DYTN: variants seen among roughly 807,000 people sequenced by gnomAD.
DYTN encodes dystrotelin.
In DYTN, 75 loss-of-function variants were observed where a neutral mutation model predicts 69.6. The observed-to-expected ratio is 1.08, with a 90% CI of 0.89 to 1.31. The LOEUF (loss-of-function observed/expected upper bound fraction) is 1.31, where lower values mean the gene tolerates loss of function less well. Among genes scored for constraint, DYTN ranks in the 50% most tolerant of loss-of-function variants. DYTN has a pLI of 0.00. For missense variants in DYTN, 726 were observed against 688.4 expected (o/e 1.05, Z -0.61); for synonymous variants, 252 against 249.1 (o/e 1.01, Z -0.11).
chr2:206,705,095 T>TC lies in DYTN; in HGVS notation c.383-153dup, dbSNP rs1700012671. 3 of 644,652 alleles carry TC rather than the reference T, an allele frequency of 4.7e-6. No homozygotes were observed. In the South Asian group the frequency reaches 6.0e-5, roughly 13 times the overall value. 39.9% of individuals were successfully genotyped at this position (644,652 alleles called of 1,614,324 possible). On this transcript the variant is annotated intron_variant, in intron 4 of 11. Transcript: ENST00000452335. ...TTATTGGCTAGCTATTATGAAGGCC[T>TC]CCAAAACTATTTTGTTTTTAAATGA...
Position 206,687,247 on chromosome 2 carries a change from C to A in DYTN, c.980+5928G>T. ...GGGGGATTGCAATTCCTTCCATTGT[C>A]AAAGACACTACTTGATGTGGGACTG... On this transcript the variant is annotated intron_variant, in intron 9 of 11. Coordinates refer to ENST00000452335, the MANE Select transcript of DYTN (RefSeq NM_001093730.1). The A allele has an allele frequency of 3.2e-5, 5 of 156,378 alleles. No homozygotes were observed. The South Asian group carries it at 9.0e-4, about 28-fold the overall frequency. 9.7% of individuals were successfully genotyped at this position (156,378 alleles called of 1,614,324 possible).
At chr2:206,667,697 C>T (rs150689331) in intron 9 of DYTN, among the ~76,000 whole-genome samples, 69 of 144,120 alleles carry the variant, frequency 4.8e-4, no homozygotes, top group African/African-American at 1.2e-3. Context: ...TTTGCGTGTG[C>T]GTGTGTGTGT....
At chr2:206,683,347 T>C (rs929509907) in intron 9 of DYTN, among the ~76,000 whole-genome samples, 2 of 140,870 alleles carry the variant, frequency 1.4e-5, no homozygotes, top group African/African-American at 2.6e-5. Flanking sequence ...TTCTTTTTTT[T>C]TTTTTTTTTT....
intron 1 of DYTN, among the ~76,000 whole-genome samples, chr2:206,712,503 G>A (rs1008236913): frequency 1.3e-5 from 2 of 152,158 alleles, no homozygotes; most frequent in Non-Finnish European, 2.9e-5. Flanking sequence ...GCCACAGCTA[G>A]AACAACACAT....
At chr2:206,674,905 A>G (rs1169133896) in intron 9 of DYTN, among the ~76,000 whole-genome samples, 2 of 151,966 alleles carry the variant, frequency 1.3e-5, no homozygotes, top group African/African-American at 4.8e-5. Flanking sequence ...TACGTTAAAA[A>G]CCATCTCGAG....
Position 206,651,868 on chromosome 2 carries a change from T to C in DYTN, c.1687A>G (p.Arg563Gly). The C allele has an allele frequency of 1.2e-6, 2 of 1,613,654 alleles. No individual in the cohort carries two copies. Among genetic ancestry groups the C allele is most frequent in the Non-Finnish European group, 1.7e-6 (2 of 1,179,644 alleles). Residue 563 changes from arginine (R) to glycine (G), a missense_variant, in exon 12 of 12, where the codon AGG becomes GGG. Physicochemically the swap from Arg to Gly is moderately radical, Grantham distance 125. Transcript: ENST00000452335. ...TGATCAACAAGGGCAGAGAAGGCCC[T>C]GCACACTCGCTGAGCTCCACTGTAC... ...DLYSGAQRVCRAFSALVDQIA... is the reference protein window; with the variant it reads ...DLYSGAQRVCGAFSALVDQIA...
In DYTN at chr2:206,708,452, T is replaced by C. The variant is rs80147182; in HGVS notation, c.95-949A>G. On this transcript the variant is annotated intron_variant, in intron 2 of 11. Coordinates refer to ENST00000452335, the MANE Select transcript of DYTN (RefSeq NM_001093730.1). Reference sequence around the variant, plus strand: ...AGAAATCTAGCAAGTATAATAAAAATTTTTATTTGTTCTCTGATATTGCTT... The same window carrying C: ...AGAAATCTAGCAAGTATAATAAAAACTTTTATTTGTTCTCTGATATTGCTT... 2.0e-3 allele frequency among the ~76,000 whole-genome samples: 301 copies of C among 152,290 alleles called. 1 individual carries two copies. Among genetic ancestry groups the C allele is most frequent in the African/African-American group, 6.8e-3 (282 of 41,562 alleles).
intron 7 of DYTN, among the ~76,000 whole-genome samples, 165 bp from the exon 8 acceptor site, chr2:206,695,042 T>C (rs1391421071): frequency 6.6e-6 from 1 of 152,200 alleles, no homozygotes; most frequent in Non-Finnish European, 1.5e-5. Context: ...TAAATGACTC[T>C]AATGCGTTTG....
chr2:206,696,983 C>A (rs561310523), intron 7 of DYTN, among the ~76,000 whole-genome samples: 6 of 152,170 alleles, frequency 3.9e-5, no homozygotes, highest in Non-Finnish European at 5.9e-5. Flanking sequence ...CCTGGCCTTG[C>A]AAAATTTTTA....
chr2:206,715,726 G>C (rs1050356560), intron 1 of DYTN, among the ~76,000 whole-genome samples: 7 of 152,244 alleles, frequency 4.6e-5, no homozygotes, highest in Admixed American at 3.3e-4. Flanking sequence ...TAGGAAGGCA[G>C]AGAGGAGGTT....
intron 2 of DYTN, among the ~76,000 whole-genome samples, chr2:206,708,142 C>T (rs1459133277): frequency 6.6e-6 from 1 of 152,202 alleles, no homozygotes; most frequent in Non-Finnish European, 1.5e-5. Flanking sequence ...AATAAAACTA[C>T]AGCTGCTTAC....
rs532299391 is a variant in DYTN, at chr2:206,704,339, G to A, written c.483+504C>T. 2.0e-5 allele frequency among the ~76,000 whole-genome samples: 3 copies of A among 152,364 alleles called. No individual in the cohort carries two copies. In the South Asian group the frequency reaches 6.2e-4, roughly 32 times the overall value. Reference sequence around the variant, plus strand: ...AAGTGAAAGGATAGGCAATGGCCTTGTGGGTAGATAGAAATGCAGAAGTCA... The same window carrying A: ...AAGTGAAAGGATAGGCAATGGCCTTATGGGTAGATAGAAATGCAGAAGTCA... On this transcript the variant is annotated intron_variant, in intron 5 of 11. Coordinates refer to ENST00000452335, the MANE Select transcript of DYTN (RefSeq NM_001093730.1).
At chr2:206,670,567 G>T (rs894346097) in intron 9 of DYTN, 4 of 151,958 alleles carry the variant, frequency 2.6e-5, no homozygotes, top group African/African-American at 9.7e-5. Flanking sequence ...ATGGTCTAGA[G>T]AAGGAAGAAA....
At chr2:206,675,231 A>G (rs28449641) in intron 9 of DYTN, among the ~76,000 whole-genome samples, 3 of 146,684 alleles carry the variant, frequency 2.0e-5, no homozygotes, top group Admixed American at 6.9e-5. Flanking sequence ...TTAAATATAT[A>G]TGTATATATG....
At chr2:206,709,520 G>C (rs1470381104) in intron 2 of DYTN, among the ~76,000 whole-genome samples, 1 of 151,920 alleles carries the variant, frequency 6.6e-6, no homozygotes, top group Non-Finnish European at 1.5e-5. Flanking sequence ...GAAGGATGGA[G>C]TTGTTCCTGC....
At position 206,678,999 on chromosome 2, in the gene DYTN, T is replaced by C. The variant is rs552295791; in HGVS notation, c.981-12970A>G. ...TATTTGTGCTTTAGTAGCAGTTCCT[T>C]TCCGTTTTGGACTCACCTGGTAACA... is the stretch of plus-strand genomic sequence containing the variant. On this transcript the variant is annotated intron_variant, in intron 9 of 11. Coordinates refer to ENST00000452335, the MANE Select transcript of DYTN (RefSeq NM_001093730.1). 126 of 152,284 alleles carry C rather than the reference T, an allele frequency of 8.3e-4. 1 individual carries two copies. The highest frequency in any genetic ancestry group is 2.9e-3 in the African/African-American group (122 of 41,568). 9.4% of individuals were successfully genotyped at this position (152,284 alleles called of 1,614,324 possible).
rs779686140 is a variant in DYTN, at chr2:206,710,632, T to C, written c.20-34A>G. 6.6e-5 allele frequency: 97 copies of C among 1,478,022 alleles called. 2 individuals carry two copies. In the South Asian group the frequency reaches 1.1e-3, roughly 17 times the overall value. 91.6% of individuals were successfully genotyped at this position (1,478,022 alleles called of 1,614,324 possible). The stretch of plus-strand genomic sequence containing the variant: ...AAAACGTAAAATATTATGAATAAAG[T>C]CTCTCTCATTATATAAATCCCACAT... On this transcript the variant is annotated intron_variant, in intron 1 of 11. Transcript: ENST00000452335.
chr2:206,714,944 C>CT lies in DYTN; in HGVS notation c.19+3316dup, dbSNP rs373615386. Among the ~76,000 whole-genome samples the CT allele has an allele frequency of 2.2e-3, 327 of 145,410 alleles. 2 individuals carry two copies. Among genetic ancestry groups the CT allele is most frequent in the African/African-American group, 5.1e-3 (203 of 39,958 alleles). ...CCCAAACTTAACTCAGCCTAAATTT[C>CT]TTTTTTTTTTTTTCTCGTCTTATTC... On this transcript the variant is annotated intron_variant, in intron 1 of 11. Transcript: ENST00000452335.
At chr2:206,704,704 A>G in intron 5 of DYTN, 139 bp downstream of exon 5, 1 of 686,334 alleles carries the variant, frequency 1.5e-6, no homozygotes, top group Non-Finnish European at 2.5e-6. Context: ...TTCAAGTAAC[A>G]GCAATGGCTA....
Sources: gnomAD v4.1 joint callset for allele counts (sites outside exome capture counted in the v4.1 genomes callset) on GRCh38, gnomAD v4.1.1 for gene constraint, MANE v1.5 for transcripts, NCBI Gene and HGNC (gene_info 2026-07-23, HGNC 2026-07-21) for gene names.